Variants in TAF3 observed in about 807,000 individuals in gnomAD.
TAF3 encodes the protein transcription initiation factor TFIID subunit 3.
TAF3 carries 7 observed loss-of-function variants against 80.6 expected under a neutral mutation model. The ratio of observed to expected loss-of-function variants is 0.09; its 90% CI spans 0.05 to 0.16. The LOEUF is 0.16. Ranked by LOEUF, TAF3 falls within the 10% of genes least tolerant of loss-of-function variation. The pLI is 1.00. For synonymous variants in TAF3, 444 were observed against 446.1 expected (o/e 1.00, Z 0.06); for missense variants, 921 against 1,140.2 (o/e 0.81, Z 2.77).
At chr10:7,953,384 A>C (rs911214152) in intron 2 of TAF3, among the ~76,000 whole-genome samples, 4 of 152,194 alleles carry the variant, frequency 2.6e-5, no homozygotes, top group Non-Finnish European at 4.4e-5. Flanking sequence ...CCTGCCCTTT[A>C]GATCATCCCA....
At chr10:7,904,311 C>G (rs1219146003) in intron 2 of TAF3, among the ~76,000 whole-genome samples, 2 of 152,314 alleles carry the variant, frequency 1.3e-5, no homozygotes, top group South Asian at 2.1e-4. Flanking sequence ...CCTAACCAAG[C>G]AAGACTGGTT....
intron 2 of TAF3, among the ~76,000 whole-genome samples, chr10:7,834,117 G>A (rs1397275985): frequency 6.6e-6 from 1 of 152,198 alleles, no homozygotes; most frequent in Non-Finnish European, 1.5e-5. Flanking sequence ...CTTGTCAGAT[G>A]TGTGGGTGCA....
In TAF3 at chr10:7,894,393, C is replaced by T. The variant is rs905191235; in HGVS notation, c.410-69527C>T. 4.6e-5 allele frequency among the ~76,000 whole-genome samples: 7 copies of T among 152,306 alleles called. No homozygotes were observed. In the South Asian group the frequency reaches 1.2e-3, roughly 27 times the overall value. On this transcript the variant is annotated intron_variant, in intron 2 of 6. Transcript: ENST00000344293. ...CATCAAGTACTCGTTGCCTGCATTA[C>T]GTCTCAGCGCCATCTGGTTTGGAGA...
intron 4 of TAF3, among the ~76,000 whole-genome samples, chr10:7,999,444 A>T (rs901907478): frequency 7.1e-6 from 1 of 141,596 alleles, no homozygotes; most frequent in Admixed American, 6.9e-5. Flanking sequence ...AAAAAGAAAG[A>T]AAGAAAGAAA....
Position 7,818,681 on chromosome 10 carries a change from A to C in TAF3, c.-29A>C, listed in dbSNP as rs527740927. ...GGCGGGGCTGGAGAGCAGTGGCAGC[A>C]AGGGCTGCGGTGGCGTCCACGCAGC... is the stretch of plus-strand genomic sequence containing the variant. On this transcript the variant is annotated 5_prime_UTR_variant, in exon 1 of 7. Coordinates refer to ENST00000344293, the MANE Select transcript of TAF3 (RefSeq NM_031923.4). 231 of 1,595,922 alleles carry C rather than the reference A, an allele frequency of 1.4e-4. 1 individual carries two copies. The South Asian group carries it at 2.5e-3, about 17-fold the overall frequency.
At chr10:7,997,534 T>G (rs1831901239) in intron 4 of TAF3, among the ~76,000 whole-genome samples, 1 of 152,196 alleles carries the variant, frequency 6.6e-6, no homozygotes, top group Non-Finnish European at 1.5e-5. Flanking sequence ...CCCATTCTAT[T>G]TATGTCACTG....
At chr10:7,859,757 A>G (rs1333672904) in intron 2 of TAF3, among the ~76,000 whole-genome samples, 1 of 152,204 alleles carries the variant, frequency 6.6e-6, no homozygotes, top group African/African-American at 2.4e-5. Flanking sequence ...ATCCATGAGA[A>G]GAGATATTTT....
At chr10:7,824,225 G>A in intron 1 of TAF3, 93 bp from the exon 2 acceptor site, 1 of 1,369,644 alleles carries the variant, frequency 7.3e-7, no homozygotes, top group Non-Finnish European at 1.0e-6. Flanking sequence ...TTGATTCTGA[G>A]CTGCATATTT....
At chr10:7,963,798 T>C in intron 2 of TAF3, 122 bp from the exon 3 acceptor site, 1 of 1,058,092 alleles carries the variant, frequency 9.5e-7, no homozygotes, top group Non-Finnish European at 1.3e-6. Context: ...CCCTAGAACT[T>C]AAAGTATAAT....
At chr10:8,014,487 C>T (rs1356834804) in intron 6 of TAF3, 150 bp from the exon 7 acceptor site, 3 of 612,390 alleles carry the variant, frequency 4.9e-6, no homozygotes, top group Non-Finnish European at 8.5e-6. Context: ...TCCGCATGCC[C>T]AACAATAGTG....
At chr10:7,864,032 C>G (rs1837184327) in intron 2 of TAF3, among the ~76,000 whole-genome samples, 1 of 152,128 alleles carries the variant, frequency 6.6e-6, no homozygotes, top group Non-Finnish European at 1.5e-5. Context: ...TCCCCACTGT[C>G]AGTATCCTAA....
intron 4 of TAF3, among the ~76,000 whole-genome samples, chr10:7,979,337 C>T (rs1831702495): frequency 7.0e-6 from 1 of 142,324 alleles, no homozygotes; most frequent in African/African-American, 2.6e-5. Flanking sequence ...GAACAAGTCT[C>T]TGTCTCAAAA....
At chr10:7,859,276 AAAT>A (rs1837118812) in intron 2 of TAF3, among the ~76,000 whole-genome samples, 1 of 88,938 alleles carries the variant, frequency 1.1e-5, no homozygotes, top group African/African-American at 4.7e-5. Flanking sequence ...ATAAATAAAT[AAAT>A]AAATAAATAA....
chr10:8,009,155 C>T lies in TAF3; in HGVS notation c.2393C>T (p.Ala798Val), dbSNP rs1588349701. 3.2e-6 allele frequency: 5 copies of T among 1,568,158 alleles called. No homozygotes were observed. The highest frequency in any genetic ancestry group is 4.8e-5 in the East Asian group (2 of 41,698). Residue 798 changes from alanine (A) to valine (V), a missense_variant, in exon 5 of 7, where the codon GCC (alanine) becomes GTC (valine). Ala to Val is a moderately conservative substitution (Grantham distance 64). Coordinates refer to ENST00000344293, the MANE Select transcript of TAF3 (RefSeq NM_031923.4). This position sits in a 1 kb window ranked among gnomAD's most constrained non-coding sequence, Gnocchi z 4.1. ...SQNRPKTPPP[A>V]PAPAPGPMLV... ...AACAGGCCGAAGACCCCACCGCCGG[C>T]CCCCGCGCCCGCCCCCGGCCCCATG...
intron 2 of TAF3, among the ~76,000 whole-genome samples, chr10:7,917,827 AC>A (rs1401505439): frequency 6.6e-6 from 1 of 152,224 alleles, no homozygotes; most frequent in Non-Finnish European, 1.5e-5. Flanking sequence ...CTGAAAATGG[AC>A]CATTGGATTT....
chr10:7,850,537 A>C (rs948166314), intron 2 of TAF3, among the ~76,000 whole-genome samples: 1 of 152,032 alleles, frequency 6.6e-6, no homozygotes, highest in African/African-American at 2.4e-5. Context: ...TTAGCCAGGC[A>C]TGGTGGCACA....
At chr10:7,955,421 G>A (rs535634682) in intron 2 of TAF3, among the ~76,000 whole-genome samples, 69 of 152,154 alleles carry the variant, frequency 4.5e-4, no homozygotes, top group Non-Finnish European at 6.9e-4. Flanking sequence ...CTTTAAATAC[G>A]TTTAATTTTT....
At chr10:7,822,979 G>A (rs779620031) in intron 1 of TAF3, among the ~76,000 whole-genome samples, 2 of 152,034 alleles carry the variant, frequency 1.3e-5, no homozygotes, top group Non-Finnish European at 2.9e-5. Flanking sequence ...AGGCATGTTG[G>A]TGGTGCACTG....
chr10:7,871,958 G>A (rs1357807977), intron 2 of TAF3, among the ~76,000 whole-genome samples: 1 of 152,070 alleles, frequency 6.6e-6, no homozygotes, highest in Non-Finnish European at 1.5e-5. Flanking sequence ...GGGAAACCAC[G>A]TTTCTGAAAT....
Sources: allele counts gnomAD v4.1 joint callset (sites outside exome capture counted in the v4.1 genomes callset), GRCh38; gene constraint gnomAD v4.1.1; non-coding constraint Gnocchi (gnomAD v3.1); transcripts MANE v1.5; gene names NCBI Gene and HGNC (gene_info 2026-07-23, HGNC 2026-07-21).